MTF2: variants seen among roughly 807,000 people sequenced by gnomAD.
MTF2 encodes metal-response element-binding transcription factor 2.
MTF2 carries 11 observed loss-of-function variants against 79.5 expected under a neutral mutation model. The ratio of observed to expected loss-of-function variants is 0.14; its 90% CI spans 0.09 to 0.23. MTF2 has a LOEUF of 0.23. MTF2 is among the 10% of genes least tolerant of loss of function. MTF2 has a pLI of 1.00. For missense variants in MTF2, 486 were observed against 711.2 expected, an observed-to-expected ratio of 0.68 and a Z score of 3.60; for synonymous variants, 208 against 232.8, an observed-to-expected ratio of 0.89 and a Z score of 0.97.
In MTF2 at chr1:93,137,962, A is replaced by G. The variant is rs1480152544; in HGVS notation, c.*935A>G. ...TCTCCTACTAGAAGTAACGTTTTCA[A>G]GTTTTCATGGCACATTATGATTGTA... On this transcript the variant is annotated 3_prime_UTR_variant, in exon 15 of 15. Transcript: ENST00000370298. 1 of 152,234 alleles carries G rather than the reference A, an allele frequency of 6.6e-6. No homozygotes were observed. The highest frequency in any genetic ancestry group is 2.4e-5 in the African/African-American group (1 of 41,454). The allele number at this position is 152,234 out of a possible 1,614,324, so 9.4% of individuals were successfully genotyped here. A position where few individuals can be genotyped will look rare whatever the true frequency, so the allele number is the denominator to read the frequency against.
intron 1 of MTF2, among the ~76,000 whole-genome samples, chr1:93,108,280 G>A (rs1655888828): frequency 6.6e-6 from 1 of 152,116 alleles, no homozygotes; most frequent in Non-Finnish European, 1.5e-5. Flanking sequence ...GTGTGTGTGT[G>A]TGTGTATGTG....
intron 1 of MTF2, 95 bp downstream of exon 1, chr1:93,079,626 A>C: frequency 2.6e-5 from 37 of 1,428,368 alleles, no homozygotes; most frequent in African/African-American, 3.0e-5. Context: ...GGAAAGATGG[A>C]GGACCAAGGT....
chr1:93,102,167 G>A (rs1655572771), intron 1 of MTF2, among the ~76,000 whole-genome samples: 2 of 152,146 alleles, frequency 1.3e-5, no homozygotes, highest in African/African-American at 2.4e-5. Flanking sequence ...TTTAGTATAT[G>A]AACTCAGAAG....
At chr1:93,125,610 A>G (rs1656665339) in intron 9 of MTF2, among the ~76,000 whole-genome samples, 1 of 151,954 alleles carries the variant, frequency 6.6e-6, no homozygotes, top group South Asian at 2.1e-4. Flanking sequence ...CAGTTATAAA[A>G]TTCTGCTTTA....
intron 10 of MTF2, 174 bp from the exon 11 acceptor site, chr1:93,129,104 A>C (rs994576929): frequency 4.7e-6 from 2 of 426,660 alleles, no homozygotes; most frequent in South Asian, 7.8e-5. Flanking sequence ...ATCATATCCT[A>C]CTGTAGACTG....
At chr1:93,103,444 T>C (rs1364851336) in intron 1 of MTF2, among the ~76,000 whole-genome samples, 2 of 151,496 alleles carry the variant, frequency 1.3e-5, no homozygotes, top group Non-Finnish European at 2.9e-5. Context: ...ACGTAACAGA[T>C]GGAAATTACA....
chr1:93,082,206 CTT>C (rs1414079486), intron 1 of MTF2, among the ~76,000 whole-genome samples: 1 of 150,998 alleles, frequency 6.6e-6, no homozygotes, highest in Non-Finnish European at 1.5e-5. Flanking sequence ...GTAGAAAAAA[CTT>C]AAGGAATATT....
chr1:93,129,104 A>G, intron 10 of MTF2, 174 bp from the exon 11 acceptor site: 2 of 426,660 alleles, frequency 4.7e-6, no homozygotes, highest in Non-Finnish European at 8.4e-6. Context: ...ATCATATCCT[A>G]CTGTAGACTG....
At position 93,115,020 on chromosome 1, in the gene MTF2, G is replaced by A; in HGVS notation, c.415G>A (p.Asp139Asn). Reference sequence around the variant, plus strand: ...TCAGTTGTGTCACACACCTCATATTGATTCCAGTGTGATTGATTCAGATGA... The same window carrying A: ...TCAGTTGTGTCACACACCTCATATTAATTCCAGTGTGATTGATTCAGATGA... ...YHQLCHTPHIDSSVIDSDEKW... is the reference protein window; with the variant it reads ...YHQLCHTPHINSSVIDSDEKW... The change falls in exon 5 of 15, where the codon GAT becomes AAT. Residue 139 changes from aspartate to asparagine, a missense_variant. Asp to Asn is a conservative substitution (Grantham distance 23). This residue lies in a region of MTF2 where 177 missense variants were observed against 364.0 expected (regional missense o/e 0.49). Transcript: ENST00000370298. 1 of 1,610,246 alleles carries A rather than the reference G, an allele frequency of 6.2e-7. No individual in the cohort carries two copies. Among genetic ancestry groups the A allele is most frequent in the Non-Finnish European group, 8.5e-7 (1 of 1,177,166 alleles).
rs149230809 is a variant in MTF2 at position 93,115,030 on chromosome 1, T to C, written c.425T>C (p.Val142Ala). 156 of 1,611,390 alleles carry C rather than the reference T, an allele frequency of 9.7e-5. No homozygotes were observed. Among genetic ancestry groups the C allele is most frequent in the Non-Finnish European group, 1.3e-4 (152 of 1,178,022 alleles). ...CACACACCTCATATTGATTCCAGTGTGATTGATTCAGATGAAAAATGGCTC... is the reference window on the plus strand; with the variant it reads ...CACACACCTCATATTGATTCCAGTGCGATTGATTCAGATGAAAAATGGCTC... ...LCHTPHIDSSVIDSDEKWLCR... is the reference protein window; with the variant it reads ...LCHTPHIDSSAIDSDEKWLCR... Residue 142 changes from valine (V) to alanine (A), a missense_variant, in exon 5 of 15, where the codon GTG (valine) becomes GCG (alanine). Val to Ala is a moderately conservative substitution (Grantham distance 64). Transcript: ENST00000370298.
chr1:93,098,014 A>T (rs781642703), intron 1 of MTF2, among the ~76,000 whole-genome samples: 1 of 152,308 alleles, frequency 6.6e-6, no homozygotes, highest in East Asian at 1.9e-4. Context: ...GGTACAGGGG[A>T]TATATAAGAG....
At chr1:93,105,921 G>A (rs981848272) in intron 1 of MTF2, among the ~76,000 whole-genome samples, 2 of 152,088 alleles carry the variant, frequency 1.3e-5, no homozygotes, top group African/African-American at 2.4e-5. Flanking sequence ...TGATCTGCCC[G>A]ACCCGTTCTC....
At chr1:93,097,014 T>G (rs1190497439) in intron 1 of MTF2, among the ~76,000 whole-genome samples, 1 of 152,062 alleles carries the variant, frequency 6.6e-6, no homozygotes, top group Admixed American at 6.5e-5. Context: ...TTTACCATGT[T>G]GCCTAGGCTG....
At chr1:93,085,814 C>G (rs894147124) in intron 1 of MTF2, among the ~76,000 whole-genome samples, 14 of 152,170 alleles carry the variant, frequency 9.2e-5, no homozygotes, top group African/African-American at 3.4e-4. Context: ...TCCATAGGTT[C>G]TATGGGTCAC....
intron 14 of MTF2, among the ~76,000 whole-genome samples, chr1:93,135,232 A>C (rs1303686177): frequency 6.6e-6 from 1 of 152,018 alleles, no homozygotes; most frequent in Non-Finnish European, 1.5e-5. Flanking sequence ...TCGGCCTCCC[A>C]AAGTGCCGGG....
rs185709598 is a variant in MTF2 at position 93,115,463 on chromosome 1, A to G, written c.484-7A>G. ...CACTCTTTCACATTTTTTTCCCTCT[A>G]ATGTAGAGGGGTGGTGCACTTAAGA... On this transcript the variant is annotated splice_polypyrimidine_tract_variant and splice_region_variant and intron_variant, in intron 5 of 14. Coordinates refer to ENST00000370298, the MANE Select transcript of MTF2 (RefSeq NM_007358.4). 3.8e-6 allele frequency: 6 copies of G among 1,561,558 alleles called. No individual in the cohort carries two copies. The Admixed American group carries it at 8.2e-5, about 21-fold the overall frequency.
intron 9 of MTF2, among the ~76,000 whole-genome samples, chr1:93,126,281 C>T (rs973539288): frequency 1.1e-4 from 17 of 151,966 alleles, no homozygotes; most frequent in Non-Finnish European, 2.1e-4. Flanking sequence ...TGAATTTGAG[C>T]AGTTTTAACC....
At chr1:93,132,626 G>T (rs1168376734) in intron 11 of MTF2, among the ~76,000 whole-genome samples, 1 of 152,134 alleles carries the variant, frequency 6.6e-6, no homozygotes, top group African/African-American at 2.4e-5. Flanking sequence ...TGATTATAGC[G>T]TCTGGTTCTA....
At chr1:93,090,815 C>T (rs1466234499) in intron 1 of MTF2, among the ~76,000 whole-genome samples, 1 of 152,022 alleles carries the variant, frequency 6.6e-6, no homozygotes, top group East Asian at 1.9e-4. Context: ...AGGCACCCGC[C>T]ACCATGCCTG....
Sources: gnomAD v4.1 joint callset for allele counts (sites outside exome capture counted in the v4.1 genomes callset) on GRCh38, gnomAD v4.1.1 for gene constraint, gnomAD v4.1.1 regional missense constraint, MANE v1.5 for transcripts, NCBI Gene and HGNC (gene_info 2026-07-23, HGNC 2026-07-21) for gene names.